The following A2ML1 variants were observed in gnomAD, a reference collection of about 807,000 sequenced individuals.
A2ML1 encodes alpha-2-macroglobulin-like protein 1.
A2ML1 carries 161 observed loss-of-function variants against 181.9 expected under a neutral mutation model. The observed-to-expected ratio is 0.89, with a 90% confidence interval of 0.78 to 1.01. A2ML1 has a LOEUF of 1.01. A2ML1 is among the 50% of genes least tolerant of loss of function. The pLI, the probability that A2ML1 is intolerant of heterozygous loss-of-function variation, is 0.00. For synonymous variants in A2ML1, 663 were observed against 666.8 expected (o/e 0.99, Z 0.09); for missense variants, 1,670 against 1,768.1 (o/e 0.94, Z 1.00).
At chr12:8,850,480 G>A (rs1943852501) in intron 18 of A2ML1, among the ~76,000 whole-genome samples, 1 of 152,142 alleles carries the variant, frequency 6.6e-6, no homozygotes, top group Admixed American at 6.5e-5. Flanking sequence ...GGCTGAGGTG[G>A]AAGGATCACT....
intron 5 of A2ML1, 48 bp from the exon 6 acceptor site, chr12:8,835,459 G>T (rs781559753): frequency 1.2e-6 from 2 of 1,609,340 alleles, no homozygotes; most frequent in Admixed American, 3.3e-5. Flanking sequence ...GCAATGCAGA[G>T]TGGGAAGCAA....
chr12:8,843,952 C>T (rs571981221), intron 12 of A2ML1, among the ~76,000 whole-genome samples: 2 of 152,064 alleles, frequency 1.3e-5, no homozygotes, highest in Non-Finnish European at 2.9e-5. Context: ...GATCTCCTGA[C>T]CTCGTGATCC....
chr12:8,823,958 GT>G, intron 3 of A2ML1, 76 bp downstream of exon 3: 1 of 1,497,294 alleles, frequency 6.7e-7, no homozygotes, highest in Non-Finnish European at 8.9e-7. Flanking sequence ...GGGATTTGTG[GT>G]TTGACAGTAG....
rs370804670 is a variant in A2ML1, at chr12:8,867,944, C to T, written c.3820C>T (p.Arg1274Cys). 1.3e-5 allele frequency: 21 copies of T among 1,614,086 alleles called. No homozygotes were observed. The African/African-American group carries it at 1.9e-4, about 14-fold the overall frequency. Residue 1274 changes from arginine to cysteine, a missense_variant, in exon 30 of 36, where the codon CGC (arginine) becomes TGC (cysteine). Arg to Cys is a radical substitution (Grantham distance 180). Transcript: ENST00000299698. ...LVVKSTENFQ[R>C]TFNIQSVNRL... Reference sequence around the variant, plus strand: ...TGTAAAATCCACTGAGAATTTCCAGCGCACATTCAACATACAGTCAGTTAA... The same window carrying T: ...TGTAAAATCCACTGAGAATTTCCAGTGCACATTCAACATACAGTCAGTTAA...
intron 2 of A2ML1, 174 bp downstream of exon 2, chr12:8,823,539 C>T: frequency 3.7e-6 from 4 of 1,075,832 alleles, no homozygotes; most frequent in Non-Finnish European, 5.4e-6. Flanking sequence ...TTTCCTCGAC[C>T]TAGGATTTCT....
intron 13 of A2ML1, 106 bp from the exon 14 acceptor site, chr12:8,845,971 G>T: frequency 1.6e-6 from 2 of 1,259,750 alleles, no homozygotes; most frequent in East Asian, 2.4e-5. Context: ...GAAGTAACTT[G>T]CACCATGGTG....
In A2ML1 at chr12:8,823,340, G is replaced by C. The variant is rs77657214; in HGVS notation, c.221G>C (p.Arg74Thr). ...KLLEYSGLKK[R>T]HLHCISFLVP... ...CTAGAATACTCTGGACTGAAGAAGAGGCACTTACATTGTATCTCCTTTCTT... is the reference window on the plus strand; with the variant it reads ...CTAGAATACTCTGGACTGAAGAAGACGCACTTACATTGTATCTCCTTTCTT... The change falls in exon 2 of 36, where the codon AGG becomes ACG. Residue 74 changes from arginine (R) to threonine (T), a missense_variant. Physicochemically the swap from Arg to Thr is moderately conservative, Grantham distance 71. Coordinates refer to ENST00000299698, the MANE Select transcript of A2ML1 (RefSeq NM_144670.6). 57 of 1,613,896 alleles carry C rather than the reference G, an allele frequency of 3.5e-5. No individual in the cohort carries two copies. The African/African-American group carries it at 6.7e-4, about 19-fold the overall frequency.
intron 3 of A2ML1, among the ~76,000 whole-genome samples, chr12:8,827,594 G>C (rs889088667): frequency 2.0e-5 from 3 of 152,072 alleles, no homozygotes; most frequent in African/African-American, 7.2e-5. Flanking sequence ...CTGGGAGATT[G>C]GTTGCTGGTG....
At chr12:8,834,792 C>T in intron 5 of A2ML1, 110 bp downstream of exon 5, 2 of 1,384,880 alleles carry the variant, frequency 1.4e-6, no homozygotes, top group Non-Finnish European at 1.0e-6. Context: ...CCCAGAGCCC[C>T]ATGACTCTGC....
At chr12:8,870,310 C>G (rs1944575951) in intron 33 of A2ML1, among the ~76,000 whole-genome samples, 1 of 152,158 alleles carries the variant, frequency 6.6e-6, no homozygotes, top group African/African-American at 2.4e-5. Flanking sequence ...CTCTGTCACC[C>G]AGGCTGGAGT....
chr12:8,845,079 C>T (rs1943620807), intron 12 of A2ML1: 2 of 1,439,454 alleles, frequency 1.4e-6, no homozygotes, highest in Admixed American at 2.8e-5. Flanking sequence ...AATTAAAAAA[C>T]ACTTATGAGG....
At chr12:8,856,359 G>A (rs1275014114) in intron 23 of A2ML1, among the ~76,000 whole-genome samples, 1 of 152,188 alleles carries the variant, frequency 6.6e-6, no homozygotes, top group Non-Finnish European at 1.5e-5. Flanking sequence ...GGGGGCTCCT[G>A]AAGAGGAAGG....
intron 30 of A2ML1, 25 bp downstream of exon 30, chr12:8,868,082 G>A (rs1271004248): frequency 6.2e-7 from 1 of 1,612,262 alleles, no homozygotes; most frequent in South Asian, 1.1e-5. Context: ...ATGAGAATGA[G>A]CGGACATTGG....
In A2ML1 at chr12:8,823,706, C is replaced by T. The variant is rs1186311841; in HGVS notation, c.247-14C>T. Reference sequence around the variant, plus strand: ...ATCCCTTACCCCTCCCCAGAAGTCCCCTTTCTTGGTCAGGTACCACCTCCT... The same window carrying T: ...ATCCCTTACCCCTCCCCAGAAGTCCTCTTTCTTGGTCAGGTACCACCTCCT... On this transcript the variant is annotated splice_polypyrimidine_tract_variant and intron_variant, in intron 2 of 35. Transcript: ENST00000299698. 2 of 1,611,518 alleles carry T rather than the reference C, an allele frequency of 1.2e-6. No homozygotes were observed. Among genetic ancestry groups the T allele is most frequent in the East Asian group, 2.2e-5 (1 of 44,870 alleles).
chr12:8,855,436 C>T (rs948938101), intron 22 of A2ML1, 73 bp from the exon 23 acceptor site: 54 of 1,415,082 alleles, frequency 3.8e-5, no homozygotes, highest in African/African-American at 5.7e-5. Context: ...GAAAGTTCTT[C>T]TAAAATTTTG....
chr12:8,837,341 A>G, intron 7 of A2ML1, 99 bp from the exon 8 acceptor site: 3 of 1,504,638 alleles, frequency 2.0e-6, no homozygotes, highest in Non-Finnish European at 2.7e-6. Context: ...GCTTTCTTTC[A>G]GAGGCTGGAG....
At chr12:8,880,723 T>C (rs925667645), downstream of A2ML1, 1 of 152,116 alleles carries the variant, frequency 6.6e-6, no homozygotes, top group African/African-American at 2.4e-5. Flanking sequence ...AGACAAAACG[T>C]ACCAGACAAT....
intron 29 of A2ML1, among the ~76,000 whole-genome samples, chr12:8,866,399 T>C (rs1944431011): frequency 6.6e-6 from 1 of 151,430 alleles, no homozygotes; most frequent in Admixed American, 6.6e-5. Context: ...TATGCCTCCC[T>C]GTTTCAGGGA....
intron 34 of A2ML1, 146 bp downstream of exon 34, chr12:8,874,673 A>G: frequency 1.5e-6 from 1 of 680,122 alleles, no homozygotes; most frequent in South Asian, 1.9e-5. Flanking sequence ...CTAATCTCCT[A>G]AAATATTTTA....
Sources: gnomAD v4.1 joint callset for allele counts (sites outside exome capture counted in the v4.1 genomes callset) on GRCh38, gnomAD v4.1.1 for gene constraint, MANE v1.5 for transcripts, NCBI Gene and HGNC (gene_info 2026-07-23, HGNC 2026-07-21) for gene names.